TASL: variants seen among roughly 807,000 people sequenced by gnomAD.
TASL encodes TLR adapter interacting with SLC15A4 on the lysosome.
Under a neutral mutation model 12.9 loss-of-function variants are expected in TASL, and 6 were observed. The ratio of observed to expected loss-of-function variants is 0.46; its 90% CI spans 0.25 to 0.92. The LOEUF is 0.92. Ranked by LOEUF, TASL falls within the 40% of genes least tolerant of loss-of-function variation. TASL has a pLI of 0.17. For missense variants in TASL, 165 were observed against 212.8 expected (o/e 0.78, Z 1.40); for synonymous variants, 85 against 79.3 (o/e 1.07, Z -0.38).
intron 2 of TASL, among the ~76,000 whole-genome samples, chrX:30,563,418 G>A (rs1434605882): frequency 8.9e-6 from 1 of 112,393 alleles, no homozygotes; most frequent in Non-Finnish European, 1.9e-5. Context: ...ATACACATGG[G>A]GAAAGCGAAG....
intron 2 of TASL, among the ~76,000 whole-genome samples, chrX:30,568,989 A>T (rs1321540471): frequency 9.2e-6 from 1 of 108,448 alleles, no homozygotes; most frequent in South Asian, 4.0e-4. Flanking sequence ...AAAAAAAAGG[A>T]AAAAAGATTT....
At chrX:30,574,960 G>A (rs1025470674) in intron 2 of TASL, among the ~76,000 whole-genome samples, 2 of 111,459 alleles carry the variant, frequency 1.8e-5, no homozygotes, top group Non-Finnish European at 3.8e-5. Context: ...CACCAGCAAT[G>A]TTTGAGATTG....
At chrX:30,573,790 C>A (rs1663645118) in intron 2 of TASL, among the ~76,000 whole-genome samples, 1 of 109,969 alleles carries the variant, frequency 9.1e-6, no homozygotes, top group African/African-American at 3.3e-5. Flanking sequence ...TGGTGGCGAG[C>A]ACCTGTAGTC....
At chrX:30,566,655 G>A (rs1930502565) in intron 2 of TASL, among the ~76,000 whole-genome samples, 1 of 112,142 alleles carries the variant, frequency 8.9e-6, no homozygotes, top group Admixed American at 9.4e-5. Context: ...TTCTTTTAAA[G>A]TTTTTTAAAT....
intron 2 of TASL, among the ~76,000 whole-genome samples, chrX:30,569,006 G>A (rs1201013372): frequency 9.1e-6 from 1 of 109,658 alleles, no homozygotes; most frequent in Non-Finnish European, 1.9e-5. Context: ...ATTTCTGAGA[G>A]GGAGGAGTGG....
chrX:30,574,209 CA>C (rs1930674262), intron 2 of TASL, among the ~76,000 whole-genome samples: 1 of 111,205 alleles, frequency 9.0e-6, no homozygotes, highest in South Asian at 3.7e-4. Context: ...TCTGGTCCAC[CA>C]CCCATAACCT....
chrX:30,576,642 T>A (rs1024349923), intron 2 of TASL, 110 bp downstream of exon 2: 5 of 111,765 alleles, frequency 4.5e-5, no homozygotes, highest in East Asian at 2.8e-4. Context: ...AGGGACAATA[T>A]CTTATATATC....
At position 30,562,841 on chromosome X, in the gene TASL, T is replaced by C. The variant is rs187637265; in HGVS notation, c.-1-2485A>G. 2.6e-4 allele frequency among the ~76,000 whole-genome samples: 28 copies of C among 109,043 alleles called. No individual in the cohort carries two copies. The East Asian group carries it at 7.4e-3, about 29-fold the overall frequency. 94.7% of individuals were successfully genotyped at this position (109,043 alleles called of 115,157 possible). On this transcript the variant is annotated intron_variant, in intron 2 of 2. Coordinates refer to ENST00000378962, the MANE Select transcript of TASL (RefSeq NM_025159.3). ...CAGAATAGGCACATGCATGTATTTT[T>C]TTTTCCTTTCCAAACTTCACTAAAA...
In TASL at chrX:30,559,483, G is replaced by A. The variant is rs1465967233; in HGVS notation, c.873C>T (p.Leu291=). The part of the protein sequence containing the change: ...TEITEISTPS[L]HISQYSNVNP The stretch of plus-strand genomic sequence containing the variant: ...TTACATTGCTATACTGAGAAATATG[G>A]AGACTAGGAGTGCTAATTTCAGTAA... Residue 291 remains leucine, a synonymous_variant, in exon 3 of 3, where the codon CTC becomes CTT. Transcript: ENST00000378962. 1.7e-6 allele frequency: 2 copies of A among 1,196,130 alleles called. No homozygotes were observed. The highest frequency in any genetic ancestry group is 3.7e-5 in the South Asian group (2 of 54,400).
intron 2 of TASL, among the ~76,000 whole-genome samples, chrX:30,561,446 G>A (rs750721675): frequency 6.8e-4 from 76 of 111,480 alleles, no homozygotes; most frequent in Middle Eastern, 4.6e-3. Flanking sequence ...TGGCATTCCC[G>A]GCACTGGGGC....
In TASL at chrX:30,560,137, G is replaced by T. The variant is rs373780978; in HGVS notation, c.219C>A (p.Ser73Arg). Residue 73 changes from serine (S) to arginine (R), a missense_variant, in exon 3 of 3, where the codon AGC becomes AGA. Coordinates refer to ENST00000378962, the MANE Select transcript of TASL (RefSeq NM_025159.3). ...TGACTCTCTGACTTCTGCTATGTTG[G>T]CTCTCTCTTGAATGCACTGAAGAGA... ...KFISSVHSRE[S>R]QHSRSQRVTV... The T allele has an allele frequency of 8.3e-6, 10 of 1,207,845 alleles. No homozygotes were observed. In the African/African-American group the frequency reaches 1.4e-4, roughly 17 times the overall value.
At chrX:30,561,050 G>T (rs1930414323) in intron 2 of TASL, among the ~76,000 whole-genome samples, 1 of 111,859 alleles carries the variant, frequency 8.9e-6, no homozygotes, top group African/African-American at 3.3e-5. Context: ...ACTTAACTTT[G>T]TATTGGATCC....
intron 2 of TASL, among the ~76,000 whole-genome samples, chrX:30,569,422 G>GT (rs199713329): frequency 0.017 from 1,905 of 111,608 alleles, 57 homozygotes; most frequent in African/African-American, 0.059. Flanking sequence ...GAAGCAATGG[G>GT]TTTAGCTTAG....
At chrX:30,573,756 A>G (rs1328873819) in intron 2 of TASL, among the ~76,000 whole-genome samples, 1 of 109,145 alleles carries the variant, frequency 9.2e-6, no homozygotes, top group Non-Finnish European at 1.9e-5. Flanking sequence ...TGTCTCTACT[A>G]AAAACACAAA....
At chrX:30,575,500 T>C (rs974348796) in intron 2 of TASL, among the ~76,000 whole-genome samples, 1 of 111,856 alleles carries the variant, frequency 8.9e-6, no homozygotes, top group Non-Finnish European at 1.9e-5. Flanking sequence ...TTATTTCAGC[T>C]TGTATTGAAT....
At chrX:30,573,091 A>G (rs1030240338) in intron 2 of TASL, among the ~76,000 whole-genome samples, 1 of 112,304 alleles carries the variant, frequency 8.9e-6, no homozygotes, top group African/African-American at 3.2e-5. Flanking sequence ...AAAATCTTTT[A>G]ATTTTTTTCT....
chrX:30,563,756 C>A (rs1930460803), intron 2 of TASL, among the ~76,000 whole-genome samples: 1 of 111,707 alleles, frequency 9.0e-6, no homozygotes, highest in Non-Finnish European at 1.9e-5. Context: ...AGATCCATGA[C>A]CTCTCTCCCC....
intron 2 of TASL, among the ~76,000 whole-genome samples, chrX:30,574,849 C>G (rs1200878678): frequency 8.9e-6 from 1 of 111,857 alleles, no homozygotes; most frequent in Non-Finnish European, 1.9e-5. Flanking sequence ...TTGCATATGC[C>G]TCCGTGAGTA....
rs187581563 is a variant in TASL, at chrX:30,570,337, G to A, written c.-2+6415C>T. On this transcript the variant is annotated intron_variant, in intron 2 of 2. Coordinates refer to ENST00000378962, the MANE Select transcript of TASL (RefSeq NM_025159.3). The stretch of plus-strand genomic sequence containing the variant: ...GTTCTCTGATCTTGTCACTAGCAGT[G>A]GTTTTAGTTTAGTTGTTGCCAGATC... 1.4e-3 allele frequency among the ~76,000 whole-genome samples: 153 copies of A among 110,999 alleles called. 1 individual carries two copies. The highest frequency in any genetic ancestry group is 2.4e-3 in the Non-Finnish European group (129 of 53,052).
Sources: gnomAD v4.1 joint callset for allele counts (sites outside exome capture counted in the v4.1 genomes callset) on GRCh38, gnomAD v4.1.1 for gene constraint, MANE v1.5 for transcripts, NCBI Gene and HGNC (gene_info 2026-07-23, HGNC 2026-07-21) for gene names.